The following ZNF385D variants were observed in gnomAD, a reference collection of about 807,000 sequenced individuals.
The protein encoded by ZNF385D is zinc finger protein 385D, also known as zinc finger protein 659.
Under a neutral mutation model 35.8 loss-of-function variants are expected in ZNF385D, and 15 were observed. The ratio of observed to expected loss-of-function variants is 0.42; its 90% CI spans 0.28 to 0.64. ZNF385D has a LOEUF of 0.64. Ranked by LOEUF, ZNF385D falls within the 30% of genes least tolerant of loss-of-function variation. The pLI is 0.23. For synonymous variants in ZNF385D, 212 were observed against 186.8 expected, an observed-to-expected ratio of 1.13 and a Z score of -1.10; for missense variants, 474 against 494.6, an observed-to-expected ratio of 0.96 and a Z score of 0.39.
intron 3 of ZNF385D, among the ~76,000 whole-genome samples, chr3:21,970,824 G>C (rs1206840037): frequency 2.0e-5 from 3 of 150,888 alleles, no homozygotes; most frequent in East Asian, 3.9e-4. Context: ...GAAGAGAAAA[G>C]AAACAAATAA....
chr3:22,043,666 A>G (rs1483388305), intron 3 of ZNF385D, among the ~76,000 whole-genome samples: 1 of 128,604 alleles, frequency 7.8e-6, no homozygotes, highest in East Asian at 2.5e-4. Flanking sequence ...ATGCCCCACC[A>G]GTGACCCTTG....
At chr3:22,316,418 G>A (rs1270397076) in intron 2 of ZNF385D, among the ~76,000 whole-genome samples, 4 of 152,110 alleles carry the variant, frequency 2.6e-5, no homozygotes, top group Non-Finnish European at 5.9e-5. Flanking sequence ...ACCACAGATA[G>A]GAATATTTTA....
chr3:21,953,049 C>A (rs1420819089), intron 3 of ZNF385D, among the ~76,000 whole-genome samples: 6 of 151,928 alleles, frequency 3.9e-5, no homozygotes, highest in Non-Finnish European at 8.8e-5. Flanking sequence ...TATTTTCCAG[C>A]TTTATGTGCT....
At chr3:21,583,096 A>C (rs533172069) in intron 2 of ZNF385D, among the ~76,000 whole-genome samples, 252 of 152,282 alleles carry the variant, frequency 1.7e-3, no homozygotes, top group Middle Eastern at 6.8e-3. Flanking sequence ...ACCACATAGA[A>C]GCATATATAC....
intron 2 of ZNF385D, among the ~76,000 whole-genome samples, chr3:21,620,339 AAG>A (rs1410510659): frequency 1.5e-5 from 2 of 131,900 alleles, no homozygotes; most frequent in African/African-American, 5.1e-5. Flanking sequence ...GAGTCCTAAA[AAG>A]AGGAATTTTT....
intron 3 of ZNF385D, among the ~76,000 whole-genome samples, chr3:22,057,410 A>G (rs1699460245): frequency 6.6e-6 from 1 of 152,224 alleles, no homozygotes; most frequent in African/African-American, 2.4e-5. Context: ...AAGTAGGAAA[A>G]TTGGTATTAT....
At chr3:21,909,584 C>A (rs1256292508) in intron 3 of ZNF385D, among the ~76,000 whole-genome samples, 1 of 135,932 alleles carries the variant, frequency 7.4e-6, no homozygotes, top group Non-Finnish European at 1.7e-5. Flanking sequence ...CTGCTTCATT[C>A]TTATCATCTC....
At chr3:22,146,347 C>T (rs1041695839) in intron 3 of ZNF385D, among the ~76,000 whole-genome samples, 1 of 152,056 alleles carries the variant, frequency 6.6e-6, no homozygotes, top group Non-Finnish European at 1.5e-5. Context: ...CAGGTATTTC[C>T]CATTACCATC....
intron 2 of ZNF385D, among the ~76,000 whole-genome samples, chr3:22,169,739 C>T (rs1412798770): frequency 6.6e-6 from 1 of 152,176 alleles, no homozygotes; most frequent in Non-Finnish European, 1.5e-5. Flanking sequence ...GCTTTGTATA[C>T]TAAAACCAAA....
chr3:22,248,108 C>T (rs899702188), intron 2 of ZNF385D, among the ~76,000 whole-genome samples: 1 of 152,138 alleles, frequency 6.6e-6, no homozygotes, highest in Non-Finnish European at 1.5e-5. Flanking sequence ...CACAACCTTG[C>T]TCCCTGAAGA....
intron 4 of ZNF385D, among the ~76,000 whole-genome samples, chr3:21,489,736 C>T (rs972252488): frequency 3.3e-5 from 5 of 152,106 alleles, no homozygotes; most frequent in African/African-American, 1.2e-4. Context: ...TCCTGTGCTA[C>T]AGGTTGCCCT....
intron 3 of ZNF385D, among the ~76,000 whole-genome samples, chr3:22,158,492 TTGCTTTTATTTTCAAGTTTC>T (rs1705732384): frequency 1.3e-5 from 2 of 152,138 alleles, no homozygotes; most frequent in African/African-American, 4.8e-5. Flanking sequence ...ATACATCTAT[TTGCTTTTATTTTCAAGTTTC>T]TTACAAAATA....
rs192140543 is a variant in ZNF385D at position 21,694,424 on chromosome 3, A to G, written c.23-29396T>C. The stretch of plus-strand genomic sequence containing the variant: ...TGGTACACACTCAAAAAGCACCAGA[A>G]AAAAGTGGAAGGAGCTCAGGTTAGG... On this transcript the variant is annotated intron_variant, in intron 1 of 7. Coordinates refer to ENST00000281523, the MANE Select transcript of ZNF385D (RefSeq NM_024697.3). Among the ~76,000 whole-genome samples, 510 of 152,236 alleles carry G rather than the reference A, an allele frequency of 3.4e-3. 2 individuals are homozygous for G. Among genetic ancestry groups the G allele is most frequent in the African/African-American group, 0.012 (493 of 41,546 alleles).
intron 2 of ZNF385D, among the ~76,000 whole-genome samples, chr3:22,313,672 A>G (rs1703720444): frequency 6.6e-6 from 1 of 152,230 alleles, no homozygotes; most frequent in Non-Finnish European, 1.5e-5. Flanking sequence ...ACAGATGATG[A>G]GTAGCAGGAA....
intron 3 of ZNF385D, among the ~76,000 whole-genome samples, chr3:22,100,399 C>T (rs1344575031): frequency 6.7e-6 from 1 of 148,324 alleles, no homozygotes; most frequent in South Asian, 2.2e-4. Flanking sequence ...TTTATTGCGG[C>T]AGTATTCACA....
chr3:22,107,989 T>A (rs1203788302), intron 3 of ZNF385D, among the ~76,000 whole-genome samples: 1 of 151,724 alleles, frequency 6.6e-6, no homozygotes, highest in Non-Finnish European at 1.5e-5. Context: ...CTTTTGGCTA[T>A]CTCCTGCCCT....
At chr3:21,509,283 C>G (rs1237424529) in intron 4 of ZNF385D, among the ~76,000 whole-genome samples, 1 of 152,158 alleles carries the variant, frequency 6.6e-6, no homozygotes, top group Non-Finnish European at 1.5e-5. Flanking sequence ...TCTTTGTTCT[C>G]CCTACCTACT....
chr3:21,837,909 T>C (rs1179324972), intron 3 of ZNF385D, among the ~76,000 whole-genome samples: 2 of 150,868 alleles, frequency 1.3e-5, no homozygotes, highest in African/African-American at 4.9e-5. Context: ...ACTCCACCTC[T>C]GGAGTAGTAA....
rs900484792 is a variant in ZNF385D at position 21,984,281 on chromosome 3, G to C, written c.325+184536C>G. On this transcript the variant is annotated intron_variant, in intron 3 of 5. Coordinates refer to the ZNF385D transcript ENST00000494108. ...ATGGTAATGCCTAGGGTTTCTTCTA[G>C]GGTTTTTATGGTTTTAGGTCTAACG... Among the ~76,000 whole-genome samples the C allele has an allele frequency of 1.8e-4, 26 of 146,326 alleles. 2 individuals carry two copies. Among genetic ancestry groups the C allele is most frequent in the African/African-American group, 6.1e-4 (22 of 36,164 alleles).
Sources: gnomAD v4.1 joint callset for allele counts (sites outside exome capture counted in the v4.1 genomes callset) on GRCh38, gnomAD v4.1.1 for gene constraint, MANE v1.5 for transcripts, NCBI Gene and HGNC (gene_info 2026-07-23, HGNC 2026-07-21) for gene names.